LIN28B: variants seen among roughly 807,000 people sequenced by gnomAD.
LIN28B encodes protein lin-28 homolog B.
Under a neutral mutation model 21.9 loss-of-function variants are expected in LIN28B, and 5 were observed. The ratio of observed to expected loss-of-function variants is 0.23; its 90% CI spans 0.12 to 0.48. LIN28B has a LOEUF of 0.48. Ranked by LOEUF, LIN28B falls within the 20% of genes least tolerant of loss-of-function variation. The pLI is 0.98. For synonymous variants in LIN28B, 109 were observed against 111.3 expected (o/e 0.98, Z 0.13); for missense variants, 245 against 310.5 (o/e 0.79, Z 1.58).
At chr6:105,036,235 A>G (rs1212359269) in intron 3 of LIN28B, among the ~76,000 whole-genome samples, 1 of 152,172 alleles carries the variant, frequency 6.6e-6, no homozygotes, top group Non-Finnish European at 1.5e-5. Context: ...TATCCTGGAC[A>G]GCTGTGAATT....
intron 3 of LIN28B, chr6:105,058,256 G>A (rs2114396990): frequency 5.7e-6 from 1 of 175,814 alleles, no homozygotes; most frequent in African/African-American, 2.4e-5. Context: ...GTTCTCAAGG[G>A]GGAGATCGTT....
intron 2 of LIN28B, among the ~76,000 whole-genome samples, chr6:104,991,541 G>T (rs1770479561): frequency 6.6e-6 from 1 of 151,756 alleles, no homozygotes; most frequent in Non-Finnish European, 1.5e-5. Context: ...GGGCAGCCGG[G>T]CAGAGGGCCT....
rs1018839885 is a variant in LIN28B, at chr6:105,004,853, C to T, written c.199-21445C>T. ...TTGGAGAATCATTCCTATAGCTTAC[C>T]ATACTCCTGCTCCAGTCCAGACTCT... On this transcript the variant is annotated intron_variant, in intron 2 of 3. Coordinates refer to ENST00000345080, the MANE Select transcript of LIN28B (RefSeq NM_001004317.4). 4.6e-5 allele frequency among the ~76,000 whole-genome samples: 7 copies of T among 152,246 alleles called. 1 individual carries two copies. Among genetic ancestry groups the T allele is most frequent in the African/African-American group, 1.7e-4 (7 of 41,542 alleles).
intron 2 of LIN28B, among the ~76,000 whole-genome samples, chr6:104,949,561 TTTAC>T (rs1778196295): frequency 6.6e-6 from 1 of 152,200 alleles, no homozygotes; most frequent in Non-Finnish European, 1.5e-5. Context: ...ACAGAATGGT[TTTAC>T]TTATTTTTTG....
intron 3 of LIN28B, among the ~76,000 whole-genome samples, chr6:105,053,260 A>G (rs939057808): frequency 6.6e-6 from 1 of 152,142 alleles, no homozygotes; most frequent in African/African-American, 2.4e-5. Context: ...GATAGGTTCT[A>G]TCCTAGACAG....
chr6:104,997,373 T>C (rs1400621426), intron 2 of LIN28B, among the ~76,000 whole-genome samples: 2 of 151,900 alleles, frequency 1.3e-5, no homozygotes, highest in African/African-American at 4.8e-5. Context: ...TGTTATGATA[T>C]ATAAATATTG....
chr6:104,957,980 A>AT lies in LIN28B; in HGVS notation c.11-119_11-118insT. 5.0e-6 allele frequency: 3 copies of AT among 598,618 alleles called. No individual in the cohort carries two copies. In the East Asian group the frequency reaches 8.7e-5, roughly 17 times the overall value. The allele number at this position is 598,618 out of a possible 1,614,324, so 37.1% of individuals were successfully genotyped here. On this transcript the variant is annotated intron_variant, in intron 1 of 3. Coordinates refer to ENST00000345080, the MANE Select transcript of LIN28B (RefSeq NM_001004317.4). ...GAAAAGAAATCAAACCATTAAAAAA[A>AT]ATTTTTTTTTTCTGTTACCCTTCCC...
upstream of LIN28B, among the ~76,000 whole-genome samples, chr6:104,954,190 G>T (rs1392028880): frequency 6.6e-6 from 1 of 152,070 alleles, no homozygotes; most frequent in Non-Finnish European, 1.5e-5. Context: ...TCAAACACAG[G>T]TCTTTCAGGC....
intron 2 of LIN28B, among the ~76,000 whole-genome samples, chr6:105,025,807 CTTTT>C (rs530956563): frequency 6.9e-6 from 1 of 145,418 alleles, no homozygotes; most frequent in African/African-American, 2.5e-5. Flanking sequence ...TTCTTTAACT[CTTTT>C]TTTTTTTAAC....
chr6:105,044,053 C>T (rs183956727), intron 3 of LIN28B, among the ~76,000 whole-genome samples: 35 of 152,066 alleles, frequency 2.3e-4, no homozygotes, highest in African/African-American at 8.0e-4. Context: ...TGTGTTTTAC[C>T]TATTCAGTGA....
At chr6:105,074,667 C>T (rs1373019679) in intron 3 of LIN28B, among the ~76,000 whole-genome samples, 1 of 152,084 alleles carries the variant, frequency 6.6e-6, no homozygotes, top group African/African-American at 2.4e-5. Flanking sequence ...TTATGAAGAA[C>T]TTGATAACCG....
chr6:104,991,418 C>T (rs1282989184), intron 2 of LIN28B, among the ~76,000 whole-genome samples: 8 of 144,652 alleles, frequency 5.5e-5, no homozygotes, highest in East Asian at 4.2e-4. Context: ...CCAGACGGGG[C>T]GGCGGGGCAG....
chr6:104,995,429 G>A (rs937601223), intron 2 of LIN28B, among the ~76,000 whole-genome samples: 4 of 152,084 alleles, frequency 2.6e-5, no homozygotes, highest in African/African-American at 9.7e-5. Flanking sequence ...CCTCAGATTT[G>A]GGGGGGCCAG....
intron 3 of LIN28B, among the ~76,000 whole-genome samples, chr6:105,050,329 G>T (rs575301346): frequency 6.6e-6 from 1 of 152,062 alleles, no homozygotes; most frequent in East Asian, 1.9e-4. Context: ...GAGGCTGGGC[G>T]CGGTGGCTCA....
chr6:104,952,472 TTAATG>T (rs1329052845), upstream of LIN28B, among the ~76,000 whole-genome samples: 2 of 152,196 alleles, frequency 1.3e-5, no homozygotes, highest in Non-Finnish European at 2.9e-5. Context: ...GAGAAGTATG[TTAATG>T]TAATAGGATT....
chr6:104,959,172 T>A (rs1257316754), intron 2 of LIN28B, among the ~76,000 whole-genome samples: 2 of 152,136 alleles, frequency 1.3e-5, no homozygotes, highest in African/African-American at 4.8e-5. Context: ...CCCTTTATAG[T>A]AAAAAAGATA....
intron 3 of LIN28B, among the ~76,000 whole-genome samples, chr6:105,064,948 CAAAT>C (rs1455938775): frequency 6.6e-6 from 1 of 152,136 alleles, no homozygotes; most frequent in Admixed American, 6.5e-5. Context: ...AGAATATGTG[CAAAT>C]AAATCTGTTA....
Position 104,975,804 on chromosome 6 carries a change from G to A in LIN28B, c.198+17518G>A, listed in dbSNP as rs151001199. On this transcript the variant is annotated intron_variant, in intron 2 of 3. Coordinates refer to ENST00000345080, the MANE Select transcript of LIN28B (RefSeq NM_001004317.4). ...TGCATAGCTGGGACTACAGGTGCGT[G>A]CCACCATGCTCAGCTAATTCTTTTC... Among the ~76,000 whole-genome samples, 446 of 151,438 alleles carry A rather than the reference G, an allele frequency of 2.9e-3. 3 individuals carry two copies. Among genetic ancestry groups the A allele is most frequent in the Non-Finnish European group, 5.9e-3 (400 of 67,862 alleles).
chr6:104,947,480 A>G (rs969289197), intron 2 of LIN28B, among the ~76,000 whole-genome samples: 1 of 152,154 alleles, frequency 6.6e-6, no homozygotes, highest in Admixed American at 6.5e-5. Flanking sequence ...TTTCCTTTAC[A>G]TTTAGTTACA....
Sources: allele counts gnomAD v4.1 joint callset (sites outside exome capture counted in the v4.1 genomes callset), GRCh38; gene constraint gnomAD v4.1.1; transcripts MANE v1.5; gene names NCBI Gene and HGNC (gene_info 2026-07-23, HGNC 2026-07-21).